Variants in BRINP3 observed in about 807,000 individuals in gnomAD.
BRINP3 encodes the protein BMP/retinoic acid-inducible neural-specific protein 3.
Under a neutral mutation model 71.0 loss-of-function variants are expected in BRINP3, and 19 were observed. The observed-to-expected ratio is 0.27, with a 90% CI of 0.19 to 0.39. The LOEUF (loss-of-function observed/expected upper bound fraction) is 0.39. Ranked by LOEUF, BRINP3 falls within the 10% of genes least tolerant of loss-of-function variation. BRINP3 has a pLI of 1.00. For synonymous variants in BRINP3, 380 were observed against 337.7 expected, an observed-to-expected ratio of 1.13 and a Z score of -1.37; for missense variants, 959 against 940.8, an observed-to-expected ratio of 1.02 and a Z score of -0.25.
At chr1:190,240,503 C>A (rs1418368631) in intron 4 of BRINP3, among the ~76,000 whole-genome samples, 5 of 151,876 alleles carry the variant, frequency 3.3e-5, no homozygotes, top group African/African-American at 1.2e-4. Flanking sequence ...TAAACAAAAG[C>A]AAAAGCACTG....
chr1:190,267,333 C>T (rs1007738441), intron 3 of BRINP3, among the ~76,000 whole-genome samples: 2 of 151,874 alleles, frequency 1.3e-5, no homozygotes, highest in African/African-American at 2.4e-5. Flanking sequence ...TAAAAGTTAA[C>T]AGAAAATTTA....
At chr1:190,403,705 G>T (rs1672085825) in intron 2 of BRINP3, among the ~76,000 whole-genome samples, 1 of 152,160 alleles carries the variant, frequency 6.6e-6, no homozygotes, top group African/African-American at 2.4e-5. Flanking sequence ...GAGCGACTTT[G>T]TAGATAAATT....
chr1:190,359,372 A>G (rs1281165859), intron 2 of BRINP3, among the ~76,000 whole-genome samples: 1 of 152,090 alleles, frequency 6.6e-6, no homozygotes, highest in African/African-American at 2.4e-5. Context: ...GATTTAAGGT[A>G]CAGACATTGA....
intron 2 of BRINP3, among the ~76,000 whole-genome samples, chr1:190,379,770 C>T (rs529100511): frequency 6.6e-6 from 1 of 152,014 alleles, no homozygotes; most frequent in East Asian, 1.9e-4. Context: ...GAGACCGAGG[C>T]AGGCGGATCA....
At chr1:190,234,273 G>GTA in intron 5 of BRINP3, 99 bp downstream of exon 5, 1 of 674,994 alleles carries the variant, frequency 1.5e-6, no homozygotes, top group South Asian at 3.0e-5. Context: ...TTAATAGCCT[G>GTA]TATGTATATG....
At chr1:190,326,077 T>C (rs1666559773) in intron 2 of BRINP3, among the ~76,000 whole-genome samples, 1 of 151,960 alleles carries the variant, frequency 6.6e-6, no homozygotes, top group Non-Finnish European at 1.5e-5. Context: ...GGTCTAAACA[T>C]CTTTAAAAAA....
At chr1:190,140,767 G>T (rs1411099129) in intron 7 of BRINP3, among the ~76,000 whole-genome samples, 3 of 152,082 alleles carry the variant, frequency 2.0e-5, no homozygotes, top group Non-Finnish European at 4.4e-5. Flanking sequence ...GCATTCCATG[G>T]ATTCATTCAT....
intron 6 of BRINP3, among the ~76,000 whole-genome samples, chr1:190,210,038 A>T (rs1450003408): frequency 6.6e-6 from 1 of 152,136 alleles, no homozygotes; most frequent in Non-Finnish European, 1.5e-5. Flanking sequence ...GTAATACACA[A>T]ACTACTGGGT....
intron 2 of BRINP3, among the ~76,000 whole-genome samples, chr1:190,350,056 T>C (rs1041535332): frequency 4.6e-5 from 7 of 152,012 alleles, no homozygotes; most frequent in Admixed American, 1.3e-4. Flanking sequence ...ACATTAGCAT[T>C]TGACTAGAAA....
chr1:190,164,937 T>C (rs1651357541), intron 6 of BRINP3, among the ~76,000 whole-genome samples: 1 of 152,130 alleles, frequency 6.6e-6, no homozygotes, highest in East Asian at 1.9e-4. Context: ...CTCTACTGGC[T>C]CACATTTTAT....
Position 190,215,715 on chromosome 1 carries a change from C to G in BRINP3, c.961+10367G>C, listed in dbSNP as rs568078090. On this transcript the variant is annotated intron_variant, in intron 6 of 7. Coordinates refer to ENST00000367462, the MANE Select transcript of BRINP3 (RefSeq NM_199051.3). ...TGGATAGTGTTCTCTAACAGTTACA[C>G]CTAGATGATTGCCAATACAAGATGG... Among the ~76,000 whole-genome samples, 8 of 151,956 alleles carry G rather than the reference C, an allele frequency of 5.3e-5. No homozygotes were observed. In the South Asian group the frequency reaches 1.5e-3, roughly 28 times the overall value.
At chr1:190,339,098 C>T (rs896373576) in intron 2 of BRINP3, among the ~76,000 whole-genome samples, 2 of 151,820 alleles carry the variant, frequency 1.3e-5, no homozygotes, top group Non-Finnish European at 2.9e-5. Flanking sequence ...AGGCAGCACA[C>T]ACATAATATT....
chr1:190,383,696 T>C (rs1407975347), intron 2 of BRINP3, among the ~76,000 whole-genome samples: 3 of 152,062 alleles, frequency 2.0e-5, no homozygotes, highest in African/African-American at 4.8e-5. Flanking sequence ...CCAGCTCTAT[T>C]TTTCTTAGCA....
rs1670238826 is a variant in BRINP3 at position 190,377,170 on chromosome 1, CT to C, written c.236+77484del. Among the ~76,000 whole-genome samples the C allele has an allele frequency of 3.9e-5, 6 of 152,108 alleles. No individual in the cohort carries two copies. The South Asian group carries it at 1.2e-3, about 31-fold the overall frequency. Reference sequence around the variant, plus strand: ...CTCTAAAGCACATGCCTAACCACCCCTGTACATGCTAGAAATACTGTCATCC... The same window carrying C: ...CTCTAAAGCACATGCCTAACCACCCCGTACATGCTAGAAATACTGTCATCC... On this transcript the variant is annotated intron_variant, in intron 2 of 7. Coordinates refer to ENST00000367462, the MANE Select transcript of BRINP3 (RefSeq NM_199051.3).
chr1:190,143,341 A>G (rs1655615959), intron 7 of BRINP3, among the ~76,000 whole-genome samples: 2 of 152,214 alleles, frequency 1.3e-5, no homozygotes. Context: ...ACATGGAAAC[A>G]GATGCAGAAA....
At chr1:190,382,234 G>GT (rs973418216) in intron 2 of BRINP3, among the ~76,000 whole-genome samples, 2 of 151,758 alleles carry the variant, frequency 1.3e-5, no homozygotes, top group African/African-American at 2.4e-5. Context: ...TAAGATTTTT[G>GT]TTTTTTAATT....
chr1:190,148,279 A>G (rs1656071909), intron 7 of BRINP3, among the ~76,000 whole-genome samples: 1 of 151,826 alleles, frequency 6.6e-6, no homozygotes, highest in African/African-American at 2.4e-5. Context: ...ACTCTCACCC[A>G]TGCTCTTCAT....
intron 1 of BRINP3, among the ~76,000 whole-genome samples, chr1:190,458,073 A>C (rs1266528194): frequency 6.6e-6 from 1 of 152,138 alleles, no homozygotes; most frequent in East Asian, 1.9e-4. Flanking sequence ...TTTTGTGCAG[A>C]GAACTACCTA....
chr1:190,200,962 A>G (rs762132984), intron 6 of BRINP3, among the ~76,000 whole-genome samples: 7 of 152,150 alleles, frequency 4.6e-5, no homozygotes, highest in Non-Finnish European at 8.8e-5. Flanking sequence ...AAAACGGAGT[A>G]AAACAGTAAA....
Sources: gnomAD v4.1 joint callset for allele counts (sites outside exome capture counted in the v4.1 genomes callset) on GRCh38, gnomAD v4.1.1 for gene constraint, MANE v1.5 for transcripts, NCBI Gene and HGNC (gene_info 2026-07-23, HGNC 2026-07-21) for gene names.